POU6F2: variants seen among roughly 807,000 people sequenced by gnomAD.
The protein encoded by POU6F2 is POU domain, class 6, transcription factor 2.
Under a neutral mutation model 71.3 loss-of-function variants are expected in POU6F2, and 31 were observed. The observed-to-expected ratio is 0.43, with a 90% CI of 0.33 to 0.59. The LOEUF (loss-of-function observed/expected upper bound fraction) is 0.59. Ranked by LOEUF, POU6F2 falls within the 20% of genes least tolerant of loss-of-function variation. POU6F2 has a pLI of 0.04. For missense variants in POU6F2, 783 were observed against 856.8 expected, an observed-to-expected ratio of 0.91 and a Z score of 1.07; for synonymous variants, 347 against 355.7, an observed-to-expected ratio of 0.98 and a Z score of 0.27.
chr7:39,233,826 T>C (rs1794622953), intron 4 of POU6F2, among the ~76,000 whole-genome samples: 1 of 152,186 alleles, frequency 6.6e-6, no homozygotes, highest in African/African-American at 2.4e-5. Flanking sequence ...CCGGTCACTT[T>C]AATTATATCA....
chr7:39,425,026 A>G (rs148693996), intron 6 of POU6F2, among the ~76,000 whole-genome samples: 1 of 152,116 alleles, frequency 6.6e-6, no homozygotes, highest in East Asian at 1.9e-4. Flanking sequence ...GAGACGTGTC[A>G]ATTCCCTGAG....
chr7:39,189,057 T>A (rs1212810788), intron 2 of POU6F2, among the ~76,000 whole-genome samples: 1 of 152,228 alleles, frequency 6.6e-6, no homozygotes, highest in African/African-American at 2.4e-5. Context: ...AACCTTGTAC[T>A]CTTTAACTGA....
chr7:39,351,385 C>T (rs1025857463), intron 5 of POU6F2, among the ~76,000 whole-genome samples: 2 of 152,106 alleles, frequency 1.3e-5, no homozygotes, highest in African/African-American at 4.8e-5. Context: ...CACCTGGGCC[C>T]CTCCCAGACT....
At chr7:39,377,340 A>G (rs924869503) in intron 5 of POU6F2, among the ~76,000 whole-genome samples, 6 of 152,126 alleles carry the variant, frequency 3.9e-5, no homozygotes, top group African/African-American at 1.4e-4. Context: ...CATGTTGGCC[A>G]GGCTGGTCTT....
intron 7 of POU6F2, among the ~76,000 whole-genome samples, chr7:39,445,257 T>C (rs967220518): frequency 6.6e-6 from 1 of 152,174 alleles, no homozygotes; most frequent in African/African-American, 2.4e-5. Flanking sequence ...CAGAATGAGA[T>C]AGAAATGAGG....
At chr7:39,363,953 C>G (rs1204243815) in intron 5 of POU6F2, among the ~76,000 whole-genome samples, 2 of 152,024 alleles carry the variant, frequency 1.3e-5, no homozygotes, top group Non-Finnish European at 2.9e-5. Flanking sequence ...TGAAAGGAAG[C>G]CAACAAATGG....
chr7:39,124,379 T>A (rs934885623), intron 2 of POU6F2, among the ~76,000 whole-genome samples: 2 of 152,186 alleles, frequency 1.3e-5, no homozygotes, highest in African/African-American at 4.8e-5. Context: ...TTTTCAGAGA[T>A]GAAATTGTCC....
At chr7:39,145,572 G>A (rs1416784346) in intron 2 of POU6F2, among the ~76,000 whole-genome samples, 1 of 152,160 alleles carries the variant, frequency 6.6e-6, no homozygotes, top group African/African-American at 2.4e-5. Context: ...CTCTTAAAGG[G>A]TTTTCCAAGT....
At chr7:39,304,544 G>A (rs1314792467) in intron 4 of POU6F2, among the ~76,000 whole-genome samples, 3 of 150,978 alleles carry the variant, frequency 2.0e-5, no homozygotes, top group African/African-American at 7.4e-5. Context: ...AAAGACAGGA[G>A]AAAAAAAATC....
chr7:39,062,405 A>C (rs1790676222), intron 1 of POU6F2, among the ~76,000 whole-genome samples: 1 of 151,892 alleles, frequency 6.6e-6, no homozygotes, highest in African/African-American at 2.4e-5. Context: ...CAGTTTGAAC[A>C]CGATCTACCT....
intron 1 of POU6F2, among the ~76,000 whole-genome samples, chr7:39,067,753 C>T (rs1790789115): frequency 6.6e-6 from 1 of 151,818 alleles, no homozygotes. Flanking sequence ...ACTTAGACCC[C>T]CAGTGGAAAG....
intron 5 of POU6F2, among the ~76,000 whole-genome samples, chr7:39,403,260 C>A (rs1787345246): frequency 6.6e-6 from 1 of 152,200 alleles, no homozygotes. Context: ...GATATCAATG[C>A]TTCTCTTAGT....
intron 2 of POU6F2, among the ~76,000 whole-genome samples, chr7:39,139,490 G>T (rs1792453775): frequency 6.6e-6 from 1 of 152,098 alleles, no homozygotes; most frequent in African/African-American, 2.4e-5. Context: ...TTTTATCTTA[G>T]TTTTCTAAAT....
chr7:39,426,269 T>C (rs1330975445), intron 6 of POU6F2, among the ~76,000 whole-genome samples: 1 of 152,196 alleles, frequency 6.6e-6, no homozygotes, highest in Non-Finnish European at 1.5e-5. Context: ...GGGGGCACTT[T>C]CATGAGTTCT....
At chr7:39,301,475 C>T (rs1288221475) in intron 4 of POU6F2, among the ~76,000 whole-genome samples, 4 of 152,162 alleles carry the variant, frequency 2.6e-5, no homozygotes, top group Non-Finnish European at 4.4e-5. Flanking sequence ...TGCTGTTACC[C>T]GTAGATCACA....
chr7:39,069,686 G>C (rs1232296352), intron 1 of POU6F2, among the ~76,000 whole-genome samples: 1 of 152,040 alleles, frequency 6.6e-6, no homozygotes, highest in Non-Finnish European at 1.5e-5. Context: ...TTATATACTG[G>C]ATTATTACAA....
At chr7:39,413,556 C>A (rs530673868) in intron 6 of POU6F2, among the ~76,000 whole-genome samples, 35 of 151,722 alleles carry the variant, frequency 2.3e-4, no homozygotes, top group African/African-American at 7.7e-4. Flanking sequence ...CTTTTATAAG[C>A]CAAAAAAAAA....
At chr7:39,163,861 A>G (rs1017002949) in intron 2 of POU6F2, among the ~76,000 whole-genome samples, 2 of 152,196 alleles carry the variant, frequency 1.3e-5, no homozygotes, top group East Asian at 3.9e-4. Flanking sequence ...TGTCATTTGT[A>G]ACAGCATGCA....
intron 2 of POU6F2, among the ~76,000 whole-genome samples, chr7:39,117,211 G>A (rs1791948839): frequency 6.6e-6 from 1 of 152,206 alleles, no homozygotes. Flanking sequence ...AATCTTTAGT[G>A]TGGTTGCTGA....
Sources: allele counts gnomAD v4.1 joint callset (sites outside exome capture counted in the v4.1 genomes callset), GRCh38; gene constraint gnomAD v4.1.1; transcripts MANE v1.5; gene names NCBI Gene and HGNC (gene_info 2026-07-23, HGNC 2026-07-21).